UGT1A8: variants seen among roughly 807,000 people sequenced by gnomAD.
UGT1A8 encodes UDP-glucuronosyltransferase 1A8.
Under a neutral mutation model 45.3 loss-of-function variants are expected in UGT1A8, and 39 were observed. The observed-to-expected ratio is 0.86, with a 90% CI of 0.67 to 1.12. UGT1A8 has a LOEUF of 1.12. Among genes scored for constraint, UGT1A8 ranks in the 50% most tolerant of loss-of-function variants. The pLI, the probability that UGT1A8 is intolerant of heterozygous loss-of-function variation, is 0.00. For synonymous variants in UGT1A8, 275 were observed against 249.2 expected (o/e 1.10, Z -0.97); for missense variants, 719 against 664.9 (o/e 1.08, Z -0.90).
rs1209379980 is a variant in UGT1A8, at chr2:233,682,140, G to T, written c.855+63578G>T. 5.6e-6 allele frequency: 9 copies of T among 1,614,082 alleles called. No homozygotes were observed. Among genetic ancestry groups the T allele is most frequent in the Non-Finnish European group, 7.6e-6 (9 of 1,180,026 alleles). ...CCAGAGGTGAGTTGGCAACTGGGAA[G>T]ATCACTGAATTGCACAGTGAAGACT... On this transcript the variant is annotated intron_variant, in intron 1 of 4. Transcript: ENST00000373450.
In UGT1A8 at chr2:233,769,617, A is replaced by AG; in HGVS notation, c.1295+1179dup. 6.2e-7 allele frequency: 1 copy of AG among 1,612,702 alleles called. No individual in the cohort carries two copies. The highest frequency in any genetic ancestry group is 2.2e-5 in the East Asian group (1 of 44,882). On this transcript the variant is annotated intron_variant, in intron 4 of 4. Coordinates refer to ENST00000373450, the MANE Select transcript of UGT1A8 (RefSeq NM_019076.5). The surrounding 1 kb of genome is among the most constrained non-coding windows in gnomAD (Gnocchi z 4.4). ...CGGAACACGGGGACACACCAGCTTG[A>AG]GCAAGGGACAACAGGGGAGGACTGA...
At chr2:233,645,037 T>A (rs112664330) in intron 1 of UGT1A8, among the ~76,000 whole-genome samples, 1 of 152,184 alleles carries the variant, frequency 6.6e-6, no homozygotes, top group Non-Finnish European at 1.5e-5. Flanking sequence ...GTAGACCACT[T>A]TGACACCTTT....
intron 1 of UGT1A8, among the ~76,000 whole-genome samples, chr2:233,739,239 G>C (rs1225583543): frequency 6.6e-6 from 1 of 152,230 alleles, no homozygotes; most frequent in Non-Finnish European, 1.5e-5. Context: ...ACCTCTGCTA[G>C]AGAAGGGTGG....
intron 1 of UGT1A8, among the ~76,000 whole-genome samples, chr2:233,685,926 G>C (rs745922812): frequency 3.9e-5 from 6 of 152,054 alleles, no homozygotes; most frequent in Non-Finnish European, 8.8e-5. Flanking sequence ...AATTTATCCT[G>C]ATTGTCTCAA....
chr2:233,670,943 T>G (rs1427015081), intron 1 of UGT1A8, among the ~76,000 whole-genome samples: 1 of 152,208 alleles, frequency 6.6e-6, no homozygotes, highest in Non-Finnish European at 1.5e-5. Flanking sequence ...GCAGTGGGTA[T>G]TGATCTTTTC....
intron 1 of UGT1A8, chr2:233,689,902 C>T (rs1353879284): frequency 4.4e-6 from 2 of 456,644 alleles, no homozygotes; most frequent in Non-Finnish European, 8.8e-6. Flanking sequence ...TTCTCAGGGC[C>T]AGGTAGGTGC....
Position 233,767,926 on chromosome 2 carries a change from C to T in UGT1A8, c.1065C>T (p.Asn355=). 5.6e-6 allele frequency: 9 copies of T among 1,614,196 alleles called. No homozygotes were observed. Among genetic ancestry groups the T allele is most frequent in the South Asian group, 1.1e-5 (1 of 91,082 alleles). The change falls in exon 3 of 5, where the codon AAC becomes AAT. Residue 355 remains asparagine, a synonymous_variant. Coordinates refer to ENST00000373450, the MANE Select transcript of UGT1A8 (RefSeq NM_019076.5). The part of the protein sequence containing the change: ...NTILVKWLPQ[N]DLLGHPMTRA... The stretch of plus-strand genomic sequence containing the variant: ...TACTTGTTAAGTGGCTACCCCAAAA[C>T]GATCTGCTTGGTATGTTGGGCGGAT...
rs966226229 is a variant in UGT1A8, at chr2:233,692,946, C to T, written c.856-74088C>T. 3.1e-6 allele frequency: 5 copies of T among 1,599,154 alleles called. No homozygotes were observed. In the African/African-American group the frequency reaches 5.4e-5, roughly 17 times the overall value. On this transcript the variant is annotated intron_variant, in intron 1 of 4. Transcript: ENST00000373450. ...TTAGTTTAGGGAAAATACCTAGGAG[C>T]CCTGTGATTTGGAGAGTGAAAACTC...
intron 1 of UGT1A8, among the ~76,000 whole-genome samples, chr2:233,652,728 A>G (rs1559325867): frequency 6.6e-6 from 1 of 152,236 alleles, no homozygotes; most frequent in Admixed American, 6.5e-5. Context: ...GGAAAGAATA[A>G]TCTCTTCAAC....
chr2:233,772,471 T>C lies in UGT1A8; in HGVS notation c.1505T>C (p.Ile502Thr), dbSNP rs1341191921. The C allele has an allele frequency of 1.2e-6, 2 of 1,614,022 alleles. No homozygotes were observed. The highest frequency in any genetic ancestry group is 1.7e-6 in the Non-Finnish European group (2 of 1,180,036). Residue 502 changes from isoleucine to threonine, a missense_variant, in exon 5 of 5, where the codon ATC (isoleucine) becomes ACC (threonine). Physicochemically the swap from Ile to Thr is moderately conservative, Grantham distance 89. Coordinates refer to ENST00000373450, the MANE Select transcript of UGT1A8 (RefSeq NM_019076.5). Reference sequence around the variant, plus strand: ...GCCGTCGTGCTGACAGTGGCCTTCATCACCTTTAAATGTTGTGCTTATGGC... The same window carrying C: ...GCCGTCGTGCTGACAGTGGCCTTCACCACCTTTAAATGTTGTGCTTATGGC... ...LLAVVLTVAF[I>T]TFKCCAYGYR...
chr2:233,724,133 G>C (rs1298685512), intron 1 of UGT1A8, among the ~76,000 whole-genome samples: 1 of 34,684 alleles, frequency 2.9e-5, no homozygotes, highest in East Asian at 6.1e-4. Flanking sequence ...CTCACCTCCC[G>C]GACGGGGCGG....
intron 1 of UGT1A8, among the ~76,000 whole-genome samples, chr2:233,680,389 C>T (rs1292705850): frequency 6.6e-6 from 1 of 152,154 alleles, no homozygotes; most frequent in Non-Finnish European, 1.5e-5. Context: ...CCTGCAATAG[C>T]AACAGGAGGT....
chr2:233,740,338 G>C (rs1156245808), intron 1 of UGT1A8, among the ~76,000 whole-genome samples: 2 of 151,948 alleles, frequency 1.3e-5, no homozygotes, highest in Admixed American at 1.3e-4. Context: ...TGAGAAAGTT[G>C]ATGAGAAAGT....
rs753668254 is a variant in UGT1A8 at position 233,760,974 on chromosome 2, G to A, written c.856-6060G>A. On this transcript the variant is annotated intron_variant, in intron 1 of 4. Coordinates refer to ENST00000373450, the MANE Select transcript of UGT1A8 (RefSeq NM_019076.5). ...TTCTGTGCGACGTGGTTTATTCCCC[G>A]TATGCAACCCTTGCCTCAGAATTCC... 78 of 1,614,002 alleles carry A rather than the reference G, an allele frequency of 4.8e-5. No individual in the cohort carries two copies. Among genetic ancestry groups the A allele is most frequent in the Admixed American group, 2.5e-4 (15 of 59,996 alleles).
intron 1 of UGT1A8, among the ~76,000 whole-genome samples, chr2:233,666,755 C>T (rs1055827061): frequency 1.3e-5 from 2 of 151,478 alleles, no homozygotes; most frequent in Non-Finnish European, 2.9e-5. Context: ...CCCATTAACT[C>T]GTCATTTAAC....
chr2:233,729,015 A>G, intron 1 of UGT1A8: 2 of 1,589,624 alleles, frequency 1.3e-6, no homozygotes, highest in Non-Finnish European at 1.7e-6. Context: ...CTGTCTTCCA[A>G]TTACACGTTG....
intron 1 of UGT1A8, chr2:233,719,088 G>A (rs2076724106): frequency 6.2e-7 from 1 of 1,614,250 alleles, no homozygotes; most frequent in South Asian, 1.1e-5. Flanking sequence ...GAAGGAATTT[G>A]ATCGCGTTAC....
At chr2:233,756,610 A>C (rs946399513) in intron 1 of UGT1A8, among the ~76,000 whole-genome samples, 3 of 152,216 alleles carry the variant, frequency 2.0e-5, no homozygotes, top group African/African-American at 7.2e-5. Context: ...GAAACCATTA[A>C]GACTTGCAGG....
chr2:233,684,100 T>C (rs1272642973), intron 1 of UGT1A8, among the ~76,000 whole-genome samples: 11 of 152,174 alleles, frequency 7.2e-5, no homozygotes, highest in Admixed American at 7.2e-4. Flanking sequence ...GTATACATTT[T>C]TATCTATTGT....
Sources: gnomAD v4.1 joint callset for allele counts (sites outside exome capture counted in the v4.1 genomes callset) on GRCh38, gnomAD v4.1.1 for gene constraint, Gnocchi (gnomAD v3.1) non-coding constraint, MANE v1.5 for transcripts, NCBI Gene and HGNC (gene_info 2026-07-23, HGNC 2026-07-21) for gene names.